The following HECW1 variants were observed in gnomAD, a reference collection of about 807,000 sequenced individuals.
HECW1 encodes E3 ubiquitin-protein ligase HECW1.
Under a neutral mutation model 182.3 loss-of-function variants are expected in HECW1, and 61 were observed. That is an observed-to-expected ratio of 0.33 (90% CI 0.27 to 0.41). The LOEUF is 0.41. Among genes scored for constraint, HECW1 ranks in the 10% least tolerant of loss-of-function variants. HECW1 has a pLI of 1.00. For synonymous variants in HECW1, 859 were observed against 832.6 expected (o/e 1.03, Z -0.55); for missense variants, 1,739 against 2,108.9 (o/e 0.82, Z 3.44).
intron 8 of HECW1, among the ~76,000 whole-genome samples, chr7:43,420,566 G>A (rs2076147858): frequency 6.6e-6 from 1 of 152,180 alleles, no homozygotes; most frequent in Non-Finnish European, 1.5e-5. Flanking sequence ...TGTTGTGTCA[G>A]TAAACAGTAC....
At chr7:43,255,909 G>A (rs751560212) in intron 3 of HECW1, among the ~76,000 whole-genome samples, 34 of 152,332 alleles carry the variant, frequency 2.2e-4, no homozygotes, top group African/African-American at 3.8e-4. Flanking sequence ...TTAATTAGGT[G>A]AGAAGGAAGG....
intron 2 of HECW1, among the ~76,000 whole-genome samples, chr7:43,157,881 A>T (rs957212569): frequency 2.0e-5 from 3 of 152,200 alleles, no homozygotes; most frequent in Non-Finnish European, 2.9e-5. Context: ...TTTCAAAATC[A>T]TATTTCCTCA....
At chr7:43,311,148 T>C (rs1320562892) in intron 3 of HECW1, among the ~76,000 whole-genome samples, 2 of 152,354 alleles carry the variant, frequency 1.3e-5, no homozygotes, top group South Asian at 2.1e-4. Context: ...CCTCTGAGAT[T>C]GGATTTTATT....
chr7:43,483,824 C>T (rs910377387), intron 17 of HECW1, among the ~76,000 whole-genome samples: 33 of 152,072 alleles, frequency 2.2e-4, no homozygotes, highest in African/African-American at 6.3e-4. Flanking sequence ...GCTGGGATTA[C>T]AGACGTGAGC....
At position 43,180,544 on chromosome 7, in the gene HECW1, C is replaced by T. The variant is rs953727436; in HGVS notation, c.-31-63331C>T. Among the ~76,000 whole-genome samples, 7 of 152,112 alleles carry T rather than the reference C, an allele frequency of 4.6e-5. No homozygotes were observed. The South Asian group carries it at 1.0e-3, about 23-fold the overall frequency. ...CTGAGTAGCTGGGACTACAGGTGCC[C>T]GCCACCACGCCTGGCTAATTTTTTG... On this transcript the variant is annotated intron_variant, in intron 2 of 29. Coordinates refer to ENST00000395891, the MANE Select transcript of HECW1 (RefSeq NM_015052.5).
intron 17 of HECW1, among the ~76,000 whole-genome samples, chr7:43,484,911 A>G (rs142094049): frequency 4.7e-4 from 72 of 152,352 alleles, no homozygotes; most frequent in African/African-American, 1.7e-3. Flanking sequence ...GTGGAGTGCT[A>G]TGAATACTGG....
intron 17 of HECW1, among the ~76,000 whole-genome samples, chr7:43,486,897 C>T (rs2078667653): frequency 6.6e-6 from 1 of 152,200 alleles, no homozygotes. Context: ...TAGACAGTTT[C>T]CACACCATTA....
intron 5 of HECW1, among the ~76,000 whole-genome samples, chr7:43,326,089 G>C (rs868758775): frequency 6.6e-6 from 1 of 152,158 alleles, no homozygotes; most frequent in Non-Finnish European, 1.5e-5. Context: ...GGCCTGCTCA[G>C]CTTCAAAGAC....
chr7:43,392,789 A>C (rs2075087879), intron 6 of HECW1, among the ~76,000 whole-genome samples: 2 of 152,216 alleles, frequency 1.3e-5, no homozygotes. Flanking sequence ...AACATGCTGG[A>C]GACTAAAGGC....
At chr7:43,141,496 A>G (rs1012826433) in intron 2 of HECW1, among the ~76,000 whole-genome samples, 1 of 151,724 alleles carries the variant, frequency 6.6e-6, no homozygotes, top group African/African-American at 2.4e-5. Context: ...TTTGTTTGAG[A>G]TTTGGATTTT....
At chr7:43,549,004 T>A (rs1223771921) in intron 26 of HECW1, among the ~76,000 whole-genome samples, 1 of 152,094 alleles carries the variant, frequency 6.6e-6, no homozygotes, top group Non-Finnish European at 1.5e-5. Context: ...TCCTTCCAGG[T>A]CTCCCCACTG....
At chr7:43,198,768 C>G (rs1485135822) in intron 2 of HECW1, among the ~76,000 whole-genome samples, 1 of 138,662 alleles carries the variant, frequency 7.2e-6, no homozygotes, top group Non-Finnish European at 1.7e-5. Context: ...TTTGCACACT[C>G]TCTCACACAC....
chr7:43,230,741 A>G (rs977381414), intron 2 of HECW1, among the ~76,000 whole-genome samples: 3 of 152,224 alleles, frequency 2.0e-5, no homozygotes, highest in African/African-American at 7.2e-5. Flanking sequence ...TATATAAATT[A>G]TATGTCTCTC....
At chr7:43,499,749 T>G (rs2079265064) in intron 19 of HECW1, among the ~76,000 whole-genome samples, 1 of 152,224 alleles carries the variant, frequency 6.6e-6, no homozygotes, top group South Asian at 2.1e-4. Context: ...ATAGAAAGAT[T>G]CTTGGATATG....
chr7:43,434,102 G>GC lies in HECW1; in HGVS notation c.802-3899dup, dbSNP rs1038662107. Among the ~76,000 whole-genome samples, 173 of 152,244 alleles carry GC rather than the reference G, an allele frequency of 1.1e-3. 1 individual carries two copies. The highest frequency in any genetic ancestry group is 4.0e-3 in the African/African-American group (168 of 41,526). On this transcript the variant is annotated intron_variant, in intron 8 of 29. Transcript: ENST00000395891. ...CACAAATTTATCTTTTAACCAAGTGGCCGTTTCTCTGGAAACAAAGAGTGT... is the reference window on the plus strand; with the variant it reads ...CACAAATTTATCTTTTAACCAAGTGGCCCGTTTCTCTGGAAACAAAGAGTGT...
chr7:43,304,913 G>T (rs1209345126), intron 3 of HECW1, among the ~76,000 whole-genome samples: 1 of 152,134 alleles, frequency 6.6e-6, no homozygotes, highest in Non-Finnish European at 1.5e-5. Context: ...TAAGTAGAGG[G>T]GACTGACAAA....
At chr7:43,516,474 G>T (rs909844764) in intron 24 of HECW1, among the ~76,000 whole-genome samples, 2 of 152,194 alleles carry the variant, frequency 1.3e-5, no homozygotes, top group Non-Finnish European at 1.5e-5. Flanking sequence ...CTCACTCATT[G>T]TTGAGTGTCA....
chr7:43,186,647 T>C (rs7785605), intron 2 of HECW1, among the ~76,000 whole-genome samples: 36,481 of 141,168 alleles, frequency 0.26, 4,643 homozygotes, highest in Middle Eastern at 0.32. Flanking sequence ...CCAGCCTGGG[T>C]GACAGAGCGA....
chr7:43,488,312 AAAAG>A lies in HECW1; in HGVS notation c.3235-3753_3235-3750del, dbSNP rs1193478996. On this transcript the variant is annotated intron_variant, in intron 17 of 29. Coordinates refer to ENST00000395891, the MANE Select transcript of HECW1 (RefSeq NM_015052.5). ...GCAACAGGGTGAGACTCCATCTCAA[AAAAG>A]AAAGAAAGAGGAAGGAAGGAAGGAA... Among the ~76,000 whole-genome samples, 84 of 139,094 alleles carry A rather than the reference AAAAG, an allele frequency of 6.0e-4. 1 individual carries two copies. Among genetic ancestry groups the A allele is most frequent in the African/African-American group, 2.3e-3 (80 of 35,364 alleles). 91.3% of individuals were successfully genotyped at this position (139,094 alleles called of 152,430 possible).
Sources: allele counts gnomAD v4.1 joint callset (sites outside exome capture counted in the v4.1 genomes callset), GRCh38; gene constraint gnomAD v4.1.1; transcripts MANE v1.5; gene names NCBI Gene and HGNC (gene_info 2026-07-23, HGNC 2026-07-21).